The following PLEKHH2 variants were observed in gnomAD, a reference collection of about 807,000 sequenced individuals.
PLEKHH2 encodes pleckstrin homology domain-containing family H member 2.
PLEKHH2 carries 129 observed loss-of-function variants against 187.9 expected under a neutral mutation model. That is an observed-to-expected ratio of 0.69 (90% CI 0.59 to 0.79). PLEKHH2 has a LOEUF of 0.79. Ranked by LOEUF, PLEKHH2 falls within the 30% of genes least tolerant of loss-of-function variation. PLEKHH2 has a pLI of 0.00. For missense variants in PLEKHH2, 2,076 were observed against 1,751.2 expected (o/e 1.19, Z -3.31); for synonymous variants, 686 against 605.6 (o/e 1.13, Z -1.95).
At chr2:43,744,463 G>T (rs1301896816) in intron 23 of PLEKHH2, among the ~76,000 whole-genome samples, 3 of 152,192 alleles carry the variant, frequency 2.0e-5, no homozygotes, top group African/African-American at 7.2e-5. Context: ...AACTAGGGTT[G>T]AAAGTGATGA....
At chr2:43,710,959 A>G in intron 14 of PLEKHH2, 1 of 1,007,962 alleles carries the variant, frequency 9.9e-7, no homozygotes, top group Non-Finnish European at 1.2e-6. Flanking sequence ...ATTTTAATAT[A>G]GAATCTGAAA....
Position 43,717,595 on chromosome 2 carries a change from G to T in PLEKHH2, c.2461-3074G>T, listed in dbSNP as rs1670275454. ...GATTAGGGTATGGCTGAGGGGATGGGTGGCAAAAGTGGAGGGACAGCAAAG... is the reference window on the plus strand; with the variant it reads ...GATTAGGGTATGGCTGAGGGGATGGTTGGCAAAAGTGGAGGGACAGCAAAG... On this transcript the variant is annotated intron_variant, in intron 15 of 29. Coordinates refer to ENST00000282406, the MANE Select transcript of PLEKHH2 (RefSeq NM_172069.4). Among the ~76,000 whole-genome samples, 3 of 152,280 alleles carry T rather than the reference G, an allele frequency of 2.0e-5. No homozygotes were observed. The South Asian group carries it at 6.2e-4, about 32-fold the overall frequency.
chr2:43,703,879 T>G (rs1287914770), intron 8 of PLEKHH2, 102 bp from the exon 9 acceptor site: 7 of 754,696 alleles, frequency 9.3e-6, no homozygotes, highest in African/African-American at 1.8e-5. Flanking sequence ...GAATCTTAAA[T>G]GAAGAACAAA....
chr2:43,760,359 CTTTTTT>C (rs763777313), intron 27 of PLEKHH2, among the ~76,000 whole-genome samples: 1 of 119,074 alleles, frequency 8.4e-6, no homozygotes, highest in African/African-American at 3.5e-5. Context: ...ACCCTTTAAC[CTTTTTT>C]TTTTTTTTTT....
chr2:43,694,462 T>C lies in PLEKHH2; in HGVS notation c.368T>C (p.Ile123Thr), dbSNP rs1668990646. The C allele has an allele frequency of 3.2e-6, 5 of 1,564,264 alleles. No individual in the cohort carries two copies. Among genetic ancestry groups the C allele is most frequent in the Non-Finnish European group, 3.5e-6 (4 of 1,147,758 alleles). The change falls in exon 5 of 30, where the codon ATA becomes ACA. Residue 123 changes from isoleucine to threonine, a missense_variant. Ile to Thr is a moderately conservative substitution (Grantham distance 89). Transcript: ENST00000282406. ...ATAAGAATACAAGAAGCTAAAATAA[T>C]AGAAGAGAAAGCAGCTAAGATAAAA... The part of the protein sequence containing the change: ...KQIRIQEAKI[I>T]EEKAAKIKEW...
intron 15 of PLEKHH2, among the ~76,000 whole-genome samples, chr2:43,713,331 C>A (rs1446320256): frequency 2.0e-5 from 3 of 152,068 alleles, no homozygotes; most frequent in Non-Finnish European, 2.9e-5. Flanking sequence ...TTGACTCTAT[C>A]AAGATGCAGA....
intron 2 of PLEKHH2, among the ~76,000 whole-genome samples, chr2:43,667,118 G>A (rs1225707779): frequency 2.0e-5 from 3 of 152,042 alleles, no homozygotes; most frequent in African/African-American, 4.8e-5. Flanking sequence ...TTTTTCTAGT[G>A]TGGAAAAGGA....
At chr2:43,694,871 C>T (rs940880144) in intron 5 of PLEKHH2, among the ~76,000 whole-genome samples, 7 of 152,056 alleles carry the variant, frequency 4.6e-5, no homozygotes, top group East Asian at 1.9e-4. Flanking sequence ...AAGCTGAAAT[C>T]GTTTCCTTTA....
chr2:43,747,315 G>A (rs1671824650), intron 24 of PLEKHH2, among the ~76,000 whole-genome samples: 1 of 151,870 alleles, frequency 6.6e-6, no homozygotes, highest in Non-Finnish European at 1.5e-5. Context: ...GTTCTCTGAA[G>A]AGAGAGAGAG....
intron 2 of PLEKHH2, among the ~76,000 whole-genome samples, chr2:43,653,953 T>C (rs887084159): frequency 6.6e-6 from 1 of 152,224 alleles, no homozygotes; most frequent in Non-Finnish European, 1.5e-5. Context: ...AAAGGTAAGA[T>C]ATAAACATAT....
chr2:43,758,816 A>G, intron 26 of PLEKHH2, 84 bp from the exon 27 acceptor site: 1 of 1,233,872 alleles, frequency 8.1e-7, no homozygotes, highest in East Asian at 2.6e-5. Flanking sequence ...GATTGGCTCA[A>G]GGAGAGTTTT....
chr2:43,755,779 C>T (rs768986646), intron 25 of PLEKHH2, among the ~76,000 whole-genome samples: 2 of 152,122 alleles, frequency 1.3e-5, no homozygotes, highest in Non-Finnish European at 2.9e-5. Flanking sequence ...GCACCTTACA[C>T]GTGGTCTCTT....
At chr2:43,694,099 C>T (rs979149730) in intron 4 of PLEKHH2, among the ~76,000 whole-genome samples, 1 of 152,108 alleles carries the variant, frequency 6.6e-6, no homozygotes, top group African/African-American at 2.4e-5. Flanking sequence ...GTCTTATTCT[C>T]TTCTCCCCAA....
intron 25 of PLEKHH2, 134 bp from the exon 26 acceptor site, chr2:43,756,985 A>C (rs1447899544): frequency 3.5e-6 from 2 of 576,706 alleles, no homozygotes; most frequent in African/African-American, 2.0e-5. Context: ...TATGAAGTTC[A>C]TAATCACATA....
At position 43,678,852 on chromosome 2, in the gene PLEKHH2, T is replaced by G. The variant is rs769541262; in HGVS notation, c.124-11T>G. 6.3e-7 allele frequency: 1 copy of G among 1,576,034 alleles called. No individual in the cohort carries two copies. On this transcript the variant is annotated splice_polypyrimidine_tract_variant and intron_variant, in intron 2 of 29. Coordinates refer to ENST00000282406, the MANE Select transcript of PLEKHH2 (RefSeq NM_172069.4). ...TAAATTTTTGTATTTATATTTTCCC[T>G]CACTCTACAGATGCAACAGCTTGAG...
intron 19 of PLEKHH2, among the ~76,000 whole-genome samples, chr2:43,735,292 A>G (rs371293432): frequency 2.0e-5 from 3 of 152,326 alleles, no homozygotes; most frequent in African/African-American, 7.2e-5. Context: ...GGAACTGGAG[A>G]ACATTATATT....
Position 43,699,569 on chromosome 2 carries a change from T to A in PLEKHH2, c.689-78T>A, listed in dbSNP as rs539593754. ...ATTTCTACAGTGTCAATTTCTACAG[T>A]GTAGCTACATAAAGCTAAATGTACA... On this transcript the variant is annotated intron_variant, in intron 7 of 29. Coordinates refer to ENST00000282406, the MANE Select transcript of PLEKHH2 (RefSeq NM_172069.4). The A allele has an allele frequency of 1.2e-4, 175 of 1,497,162 alleles. 1 individual carries two copies. Among genetic ancestry groups the A allele is most frequent in the Non-Finnish European group, 1.4e-4 (158 of 1,108,236 alleles). 92.7% of individuals were successfully genotyped at this position (1,497,162 alleles called of 1,614,324 possible). A position where few individuals can be genotyped will look rare whatever the true frequency, so the allele number is the denominator to read the frequency against.
At chr2:43,712,497 G>C in intron 15 of PLEKHH2, 114 bp downstream of exon 15, 1 of 1,235,392 alleles carries the variant, frequency 8.1e-7, no homozygotes, top group Admixed American at 3.3e-5. Context: ...ATGATCTTGG[G>C]GATAGGAAAG....
rs1672459904 is a variant in PLEKHH2 at position 43,762,305 on chromosome 2, C to A, written c.4073C>A (p.Pro1358His). Residue 1358 changes from proline (P) to histidine (H), a missense_variant and splice_region_variant, in exon 28 of 30, where the codon CCC (proline) becomes CAC (histidine). Transcript: ENST00000282406. ...FFGAKLFLAK[P>H]ITPSSLGSTF... ...TAGTGTATTTTCACCTCTTCATAGCCCATAACTCCATCATCACTTGGAAGT... is the reference window on the plus strand; with the variant it reads ...TAGTGTATTTTCACCTCTTCATAGCACATAACTCCATCATCACTTGGAAGT... 6 of 1,607,826 alleles carry A rather than the reference C, an allele frequency of 3.7e-6. No individual in the cohort carries two copies. In the East Asian group the frequency reaches 1.1e-4, roughly 30 times the overall value.
Sources: allele counts gnomAD v4.1 joint callset (sites outside exome capture counted in the v4.1 genomes callset), GRCh38; gene constraint gnomAD v4.1.1; transcripts MANE v1.5; gene names NCBI Gene and HGNC (gene_info 2026-07-23, HGNC 2026-07-21).